GPRIN3: variants seen among roughly 807,000 people sequenced by gnomAD.
GPRIN3 encodes G protein-regulated inducer of neurite outgrowth 3.
GPRIN3 carries 12 observed loss-of-function variants against 13.7 expected under a neutral mutation model. The observed-to-expected ratio is 0.87, with a 90% CI of 0.56 to 1.42. GPRIN3 has a LOEUF of 1.42. Ranked by LOEUF, GPRIN3 falls within the 40% of genes most tolerant of loss-of-function variation. GPRIN3 has a pLI of 0.00. For synonymous variants in GPRIN3, 377 were observed against 372.7 expected (o/e 1.01, Z -0.13); for missense variants, 1,009 against 958.7 (o/e 1.05, Z -0.69).
rs770982092 is a variant in GPRIN3, at chr4:89,249,616, C to G, written c.495G>C (p.Glu165Asp). ...CAGGACAACTTGGTTTCTCAGGTTG[C>G]TCTCTATTTGAGGTTCTCTGTGATC... ...LMRSQRTSNR[E>D]QPEKPSCPVG... is the part of the protein sequence containing the mutation. Residue 165 changes from glutamate (E) to aspartate (D), a missense_variant, in exon 2 of 2, where the codon GAG (glutamate) becomes GAC (aspartate). Coordinates refer to ENST00000609438, the MANE Select transcript of GPRIN3 (RefSeq NM_198281.3). 20 of 1,614,032 alleles carry G rather than the reference C, an allele frequency of 1.2e-5. No homozygotes were observed. In the South Asian group the frequency reaches 1.8e-4, roughly 14 times the overall value.
At chr4:89,280,070 C>G (rs1351655803) in intron 1 of GPRIN3, among the ~76,000 whole-genome samples, 2 of 152,196 alleles carry the variant, frequency 1.3e-5, no homozygotes, top group Non-Finnish European at 2.9e-5. Flanking sequence ...ATCTTCTCAT[C>G]CATGCCAGAA....
Position 89,249,401 on chromosome 4 carries a change from G to C in GPRIN3, c.710C>G (p.Pro237Arg). Residue 237 changes from proline (P) to arginine (R), a missense_variant, in exon 2 of 2, where the codon CCT becomes CGT. Physicochemically the swap from Pro to Arg is moderately radical, Grantham distance 103. Transcript: ENST00000609438. ...ICDSEMRSCK[P>R]LTRESGCSEN... ...TGAACATCCAGATTCTCTAGTTAGA[G>C]GTTTACAGGACCTCATTTCAGAGTC... is the stretch of plus-strand genomic sequence containing the variant. 1 of 1,614,092 alleles carries C rather than the reference G, an allele frequency of 6.2e-7. No homozygotes were observed. The highest frequency in any genetic ancestry group is 8.5e-7 in the Non-Finnish European group (1 of 1,180,018).
At position 89,238,663 on chromosome 4, in the gene GPRIN3, G is replaced by A. The variant is rs574622759; in HGVS notation, c.*9117C>T. Reference sequence around the variant, plus strand: ...AAACCTCGCGTTTGATGACCAGGAGGAATTGTTGATTCTATGGGAATTCTA... The same window carrying A: ...AAACCTCGCGTTTGATGACCAGGAGAAATTGTTGATTCTATGGGAATTCTA... On this transcript the variant is annotated 3_prime_UTR_variant, in exon 2 of 2. Coordinates refer to ENST00000609438, the MANE Select transcript of GPRIN3 (RefSeq NM_198281.3). 6.6e-6 allele frequency: 1 copy of A among 152,126 alleles called. No individual in the cohort carries two copies. The highest frequency in any genetic ancestry group is 2.4e-5 in the African/African-American group (1 of 41,490). The allele number at this position is 152,126 out of a possible 1,614,324, so 9.4% of individuals were successfully genotyped here.
intron 1 of GPRIN3, among the ~76,000 whole-genome samples, chr4:89,264,033 A>G (rs1723716958): frequency 6.6e-6 from 1 of 152,162 alleles, no homozygotes. Flanking sequence ...CTTCTTCTAT[A>G]TCAGTTTGTT....
chr4:89,247,114 CTAATA>C lies in GPRIN3; in HGVS notation c.*661_*665del, dbSNP rs1286450405. Reference sequence around the variant, plus strand: ...ATAGTCAAAAGCTTAGCTAATGTTCCTAATATAACTTTCTTATATTTATTAACAGC... The same window carrying C: ...ATAGTCAAAAGCTTAGCTAATGTTCCTAACTTTCTTATATTTATTAACAGC... On this transcript the variant is annotated 3_prime_UTR_variant, in exon 2 of 2. Transcript: ENST00000609438. The C allele has an allele frequency of 2.0e-5, 3 of 152,114 alleles. No individual in the cohort carries two copies. Among genetic ancestry groups the C allele is most frequent in the Non-Finnish European group, 4.4e-5 (3 of 68,030 alleles). 9.4% of individuals were successfully genotyped at this position (152,114 alleles called of 1,614,324 possible).
At chr4:89,254,071 A>G (rs577983048) in intron 1 of GPRIN3, among the ~76,000 whole-genome samples, 1 of 151,852 alleles carries the variant, frequency 6.6e-6, no homozygotes, top group African/African-American at 2.4e-5. Context: ...AATGAGGTGC[A>G]AACAGGTGGC....
chr4:89,247,313 G>C lies in GPRIN3; in HGVS notation c.*467C>G, dbSNP rs990831121. The C allele has an allele frequency of 6.5e-6, 1 of 152,732 alleles. No individual in the cohort carries two copies. The highest frequency in any genetic ancestry group is 2.4e-5 in the African/African-American group (1 of 41,332). The allele number at this position is 152,732 out of a possible 1,614,324, so 9.5% of individuals were successfully genotyped here. On this transcript the variant is annotated 3_prime_UTR_variant, in exon 2 of 2. Coordinates refer to ENST00000609438, the MANE Select transcript of GPRIN3 (RefSeq NM_198281.3). ...TTCTTATCACCTATTTATAATTTGT[G>C]TGGTTACAGCATTCTTACTGCAATA...
In GPRIN3 at chr4:89,250,242, C is replaced by A; in HGVS notation, c.-123-9G>T. 2 of 1,489,882 alleles carry A rather than the reference C, an allele frequency of 1.3e-6. No individual in the cohort carries two copies. The highest frequency in any genetic ancestry group is 2.9e-5 in the South Asian group (2 of 69,718). The allele number at this position is 1,489,882 out of a possible 1,614,324, so 92.3% of individuals were successfully genotyped here. Reference sequence around the variant, plus strand: ...TCCTCTGAAGAACCAGCCTGTGAATCAAGGAAACAGCATCATTAATACAGT... The same window carrying A: ...TCCTCTGAAGAACCAGCCTGTGAATAAAGGAAACAGCATCATTAATACAGT... On this transcript the variant is annotated splice_polypyrimidine_tract_variant and intron_variant, in intron 1 of 1. Transcript: ENST00000609438.
rs761869927 is a variant in GPRIN3, at chr4:89,249,303, G to T, written c.808C>A (p.Leu270Ile). ...TTSVTPQPTP[L>I]TSEPSACPPG... ...GGACATGCCGAAGGTTCGCTAGTGA[G>T]GGGGGTTGGTTGAGGTGTCACAGAA... Residue 270 changes from leucine (L) to isoleucine (I), a missense_variant, in exon 2 of 2, where the codon CTC becomes ATC. Leu to Ile is a conservative substitution (Grantham distance 5). Coordinates refer to ENST00000609438, the MANE Select transcript of GPRIN3 (RefSeq NM_198281.3). The T allele has an allele frequency of 1.7e-5, 28 of 1,614,080 alleles. No homozygotes were observed. Among genetic ancestry groups the T allele is most frequent in the Non-Finnish European group, 2.3e-5 (27 of 1,179,992 alleles).
In GPRIN3 at chr4:89,241,538, T is replaced by C. The variant is rs143857536; in HGVS notation, c.*6242A>G. 8 of 152,306 alleles carry C rather than the reference T, an allele frequency of 5.3e-5. 1 individual carries two copies. Among genetic ancestry groups the C allele is most frequent in the Admixed American group, 5.2e-4 (8 of 15,296 alleles). 9.4% of individuals were successfully genotyped at this position (152,306 alleles called of 1,614,324 possible). Reference sequence around the variant, plus strand: ...TAGTAATTGCTAGTATATATTTTTCTTATTTTCAGGCTGTGTTGACCTTTT... The same window carrying C: ...TAGTAATTGCTAGTATATATTTTTCCTATTTTCAGGCTGTGTTGACCTTTT... On this transcript the variant is annotated 3_prime_UTR_variant, in exon 2 of 2. Transcript: ENST00000609438.
In GPRIN3 at chr4:89,237,035, A is replaced by G. The variant is rs1260162397; in HGVS notation, c.*10745T>C. 1 of 152,154 alleles carries G rather than the reference A, an allele frequency of 6.6e-6. No individual in the cohort carries two copies. Among genetic ancestry groups the G allele is most frequent in the African/African-American group, 2.4e-5 (1 of 41,438 alleles). The allele number at this position is 152,154 out of a possible 1,614,324, so 9.4% of individuals were successfully genotyped here. A position where few individuals can be genotyped will look rare whatever the true frequency, so the allele number is the denominator to read the frequency against. On this transcript the variant is annotated 3_prime_UTR_variant, in exon 2 of 2. Coordinates refer to ENST00000609438, the MANE Select transcript of GPRIN3 (RefSeq NM_198281.3). ...GACATTCTGCTTATTATTATTTTTA[A>G]TGGCAGGTCAAGGCTCTTTTGCAGT...
chr4:89,251,134 A>C (rs1406929871), intron 1 of GPRIN3: 1 of 152,176 alleles, frequency 6.6e-6, no homozygotes, highest in East Asian at 1.9e-4. Flanking sequence ...CAAATAATCC[A>C]TTGAAAAAAT....
chr4:89,284,722 G>A (rs112096595), intron 1 of GPRIN3, among the ~76,000 whole-genome samples: 52 of 152,268 alleles, frequency 3.4e-4, no homozygotes, highest in African/African-American at 1.2e-3. Flanking sequence ...TTATGGCAGT[G>A]GGGGAGATCT....
rs750475191 is a variant in GPRIN3, at chr4:89,242,521, T to A, written c.*5259A>T. On this transcript the variant is annotated 3_prime_UTR_variant, in exon 2 of 2. Coordinates refer to ENST00000609438, the MANE Select transcript of GPRIN3 (RefSeq NM_198281.3). ...CTCTGGGCTCACATAAAAACATAGA[T>A]GCCAACTGTATCCTGACTAATGCTC... 3.3e-5 allele frequency: 5 copies of A among 152,228 alleles called. No individual in the cohort carries two copies. Among genetic ancestry groups the A allele is most frequent in the Non-Finnish European group, 4.4e-5 (3 of 68,036 alleles). The allele number at this position is 152,228 out of a possible 1,614,324, so 9.4% of individuals were successfully genotyped here.
chr4:89,294,698 A>G (rs550432970), intron 1 of GPRIN3, among the ~76,000 whole-genome samples: 30 of 152,252 alleles, frequency 2.0e-4, no homozygotes, highest in Admixed American at 7.2e-4. Context: ...AACCAACTAC[A>G]TCCTCTGATG....
intron 1 of GPRIN3, among the ~76,000 whole-genome samples, chr4:89,281,063 G>A (rs917714598): frequency 1.3e-5 from 2 of 151,950 alleles, no homozygotes; most frequent in Non-Finnish European, 2.9e-5. Flanking sequence ...GTGAAGGGGG[G>A]GGATAAGCAC....
chr4:89,280,062 C>T (rs933653492), intron 1 of GPRIN3, among the ~76,000 whole-genome samples: 2 of 152,200 alleles, frequency 1.3e-5, no homozygotes, highest in Non-Finnish European at 2.9e-5. Flanking sequence ...CCATCTTCAT[C>T]TTCTCATCCA....
intron 1 of GPRIN3, among the ~76,000 whole-genome samples, chr4:89,303,747 A>G (rs114339321): frequency 0.024 from 3,536 of 149,758 alleles, 135 homozygotes; most frequent in African/African-American, 0.078. Context: ...ATATACATGT[A>G]TACCATTATA....
At position 89,247,803 on chromosome 4, in the gene GPRIN3, C is replaced by A. The variant is rs537723437; in HGVS notation, c.2308G>T (p.Ala770Ser). Reference protein sequence around the residue: ...FRRPNCCVRPAPSSVLD With the variant: ...FRRPNCCVRPSPSSVLD ...TTTCAATCTAACACAGAAGACGGGG[C>A]AGGACGGACGCAGCAGTTGGGGCGT... The change falls in exon 2 of 2, where the codon GCC (alanine) becomes TCC (serine). Residue 770 changes from alanine to serine, a missense_variant. Ala to Ser is a moderately conservative substitution (Grantham distance 99). Coordinates refer to ENST00000609438, the MANE Select transcript of GPRIN3 (RefSeq NM_198281.3). 2 of 1,612,694 alleles carry A rather than the reference C, an allele frequency of 1.2e-6. No individual in the cohort carries two copies. Among genetic ancestry groups the A allele is most frequent in the South Asian group, 2.2e-5 (2 of 90,956 alleles).
Sources: gnomAD v4.1 joint callset for allele counts (sites outside exome capture counted in the v4.1 genomes callset) on GRCh38, gnomAD v4.1.1 for gene constraint, MANE v1.5 for transcripts, NCBI Gene and HGNC (gene_info 2026-07-23, HGNC 2026-07-21) for gene names.